PSG8: variants seen among roughly 807,000 people sequenced by gnomAD.
The protein encoded by PSG8 is pregnancy specific beta-1-glycoprotein 8, also known as pregnancy-specific beta-1-glycoprotein 8.
PSG8 carries 57 observed loss-of-function variants against 42.5 expected under a neutral mutation model. The ratio of observed to expected loss-of-function variants is 1.34; its 90% confidence interval spans 1.08 to 1.67. The LOEUF is 1.67. PSG8 is among the 40% of genes most tolerant of loss of function. The pLI is 0.00. For missense variants in PSG8, 783 were observed against 518.6 expected, an observed-to-expected ratio of 1.51 and a Z score of -4.95; for synonymous variants, 280 against 196.8, an observed-to-expected ratio of 1.42 and a Z score of -3.54.
At position 42,754,488 on chromosome 19, in the gene PSG8, T is replaced by C. The variant is rs146672854; in HGVS notation, c.1088A>G (p.Gln363Arg). 56 of 1,613,928 alleles carry C rather than the reference T, an allele frequency of 3.5e-5. No individual in the cohort carries two copies. In the African/African-American group the frequency reaches 6.8e-4, roughly 20 times the overall value. Reference protein sequence around the residue: ...SCSADSNPPAQYSWTINGKFQ... With the variant: ...SCSADSNPPARYSWTINGKFQ... ...CTTCCCATTAATTGTCCAAGAATAC[T>C]GTGCCGGTGGGTTAGAGTCCGCAGA... Residue 363 changes from glutamine (Q) to arginine (R), a missense_variant, in exon 5 of 5, where the codon CAG becomes CGG. By Grantham distance (43) the Gln-to-Arg change is conservative. Coordinates refer to ENST00000306511, the MANE Select transcript of PSG8 (RefSeq NM_182707.3).
Position 42,765,665 on chromosome 19 carries a change from T to C in PSG8, c.-84A>G. On this transcript the variant is annotated 5_prime_UTR_variant, in exon 1 of 5. Coordinates refer to ENST00000306511, the MANE Select transcript of PSG8 (RefSeq NM_182707.3). The stretch of plus-strand genomic sequence containing the variant: ...CTGAGCACAGCTCTCAGCAGTGCTG[T>C]CCTGCCTCCTTCTGCGCTGAGCTTC... 1 of 1,544,872 alleles carries C rather than the reference T, an allele frequency of 6.5e-7. No homozygotes were observed. Among genetic ancestry groups the C allele is most frequent in the South Asian group, 1.1e-5 (1 of 87,104 alleles).
rs1042864066 is a variant in PSG8, at chr19:42,763,790, C to G, written c.430+126G>C. The G allele has an allele frequency of 5.8e-6, 9 of 1,555,796 alleles. No individual in the cohort carries two copies. In the African/African-American group the frequency reaches 1.2e-4, roughly 21 times the overall value. The stretch of plus-strand genomic sequence containing the variant: ...CTGTGTGTGTCCTGCACTAAATGCC[C>G]AAACCCCAGCATGGGACATAATGCA... On this transcript the variant is annotated intron_variant, in intron 2 of 4. Coordinates refer to ENST00000306511, the MANE Select transcript of PSG8 (RefSeq NM_182707.3).
downstream of PSG8, chr19:42,753,846 A>T: frequency 2.2e-6 from 1 of 451,004 alleles, no homozygotes. Context: ...TTGTGCAAAT[A>T]TGTGTATTAC....
chr19:42,757,905 C>G (rs1372488904), intron 3 of PSG8, 97 bp downstream of exon 3: 2 of 1,612,860 alleles, frequency 1.2e-6, no homozygotes, highest in East Asian at 2.2e-5. Context: ...GGGTAAAGGT[C>G]TCTGTACTTG....
chr19:42,763,721 C>T, intron 2 of PSG8, 195 bp downstream of exon 2: 2 of 1,105,006 alleles, frequency 1.8e-6, no homozygotes, highest in South Asian at 1.4e-5. Context: ...TCTGCAGGGT[C>T]TGGATGCGGG....
intron 3 of PSG8, among the ~76,000 whole-genome samples, chr19:42,757,624 C>G (rs368671969): frequency 1.3e-5 from 2 of 152,018 alleles, no homozygotes; most frequent in African/African-American, 2.4e-5. Context: ...ATGTCACAGG[C>G]GATATTTTCA....
intron 2 of PSG8, among the ~76,000 whole-genome samples, chr19:42,763,052 T>A (rs1301181575): frequency 2.0e-5 from 3 of 152,206 alleles, no homozygotes; most frequent in Non-Finnish European, 2.9e-5. Context: ...TGGCTTTTCA[T>A]GCTATCTGTG....
intron 2 of PSG8, among the ~76,000 whole-genome samples, chr19:42,760,178 C>T (rs768477219): frequency 5.9e-5 from 9 of 152,126 alleles, no homozygotes; most frequent in African/African-American, 2.2e-4. Flanking sequence ...TAGGAAGAGT[C>T]TAAGTGAGAT....
chr19:42,755,648 A>G (rs948830547), intron 3 of PSG8: 4 of 319,894 alleles, frequency 1.3e-5, no homozygotes, highest in Non-Finnish European at 2.3e-5. Flanking sequence ...TCCATCCTAC[A>G]TTGTCCCCCT....
At chr19:42,764,728 A>G (rs1970172300) in intron 1 of PSG8, among the ~76,000 whole-genome samples, 1 of 151,922 alleles carries the variant, frequency 6.6e-6, no homozygotes, top group Non-Finnish European at 1.5e-5. Flanking sequence ...CTTACATTCT[A>G]GATCTCTTTG....
chr19:42,761,959 C>T (rs1970087716), intron 2 of PSG8, among the ~76,000 whole-genome samples: 1 of 148,784 alleles, frequency 6.7e-6, no homozygotes, highest in Non-Finnish European at 1.5e-5. Context: ...AGGGAAAGAG[C>T]CCTGGATGGG....
At chr19:42,754,043 A>G (rs552079532), downstream of PSG8, 4 of 1,014,120 alleles carry the variant, frequency 3.9e-6, no homozygotes, top group African/African-American at 1.7e-5. Flanking sequence ...AGAATCAGCA[A>G]ATTTTCAAAT....
chr19:42,758,477 A>G (rs772907147), intron 2 of PSG8, 197 bp from the exon 3 acceptor site: 2 of 1,196,910 alleles, frequency 1.7e-6, no homozygotes, highest in Non-Finnish European at 2.3e-6. Flanking sequence ...CTTCATGTAG[A>G]AACACAGACT....
rs150464724 is a variant in PSG8, at chr19:42,754,551, G to T, written c.1025C>A (p.Thr342Asn). The change falls in exon 5 of 5, where the codon ACC (threonine) becomes AAC (asparagine). Residue 342 changes from threonine (T) to asparagine (N), a missense_variant. Thr to Asn is a moderately conservative substitution (Grantham distance 65, BLOSUM62 0). Transcript: ENST00000306511. ...GAGGACTTCTCCTGAACGGTAATAG[G>T]TGAATGAAGGGTAAATTCTGGGGAG... ...PDLPRIYPSF[T>N]YYRSGEVLYL... is the part of the protein sequence containing the mutation. 2 of 1,613,496 alleles carry T rather than the reference G, an allele frequency of 1.2e-6. No homozygotes were observed. Among genetic ancestry groups the T allele is most frequent in the Non-Finnish European group, 1.7e-6 (2 of 1,179,658 alleles).
In PSG8 at chr19:42,755,113, C is replaced by T. The variant is rs113087470; in HGVS notation, c.863G>A (p.Arg288Gln). ...QSLPVSPRVKRPIENRILILP... is the reference protein window; with the variant it reads ...QSLPVSPRVKQPIENRILILP... Reference sequence around the variant, plus strand: ...AATGAGGATCCTGTTTTCAATGGGTCGCTTTACCCTGGGACTGACCGGGAG... The same window carrying T: ...AATGAGGATCCTGTTTTCAATGGGTTGCTTTACCCTGGGACTGACCGGGAG... The change falls in exon 4 of 5, where the codon CGA becomes CAA. Residue 288 changes from arginine (R) to glutamine (Q), a missense_variant. Coordinates refer to ENST00000306511, the MANE Select transcript of PSG8 (RefSeq NM_182707.3). 3.7e-6 allele frequency: 6 copies of T among 1,611,834 alleles called. No individual in the cohort carries two copies. In the East Asian group the frequency reaches 1.1e-4, roughly 30 times the overall value.
chr19:42,763,868 A>G (rs1199447545), intron 2 of PSG8, 48 bp downstream of exon 2: 1 of 1,613,106 alleles, frequency 6.2e-7, no homozygotes, highest in Non-Finnish European at 8.5e-7. Flanking sequence ...TGTGAAGTAG[A>G]AGTGACCCCT....
chr19:42,761,302 C>T (rs569799983), intron 2 of PSG8, among the ~76,000 whole-genome samples: 5 of 152,256 alleles, frequency 3.3e-5, no homozygotes, highest in East Asian at 1.9e-4. Context: ...CCTTACTTTG[C>T]CCAGGGACTG....
chr19:42,763,567 A>C (rs1382765972), intron 2 of PSG8: 4 of 360,772 alleles, frequency 1.1e-5, no homozygotes, highest in Non-Finnish European at 2.1e-5. Context: ...AGAGTATCTC[A>C]GGGGCTCCTC....
rs58868359 is a variant in PSG8, at chr19:42,761,820, A to ATTTTTTTTTTTTTTTTTTTTTTTTTT, written c.430+2070_430+2095dup. ...TTGACTAGAAACCAACATTTCAATAATTTTTTTTTTTTTTTTTTTTTTTTT... is the reference window on the plus strand; with the variant it reads ...TTGACTAGAAACCAACATTTCAATAATTTTTTTTTTTTTTTTTTTTTTTTTTTTTTTTTTTTTTTTTTTTTTTTTTT... On this transcript the variant is annotated intron_variant, in intron 2 of 4. Transcript: ENST00000306511. Among the ~76,000 whole-genome samples, 8 of 70,394 alleles carry ATTTTTTTTTTTTTTTTTTTTTTTTTT rather than the reference A, an allele frequency of 1.1e-4. 1 individual carries two copies. Among genetic ancestry groups the ATTTTTTTTTTTTTTTTTTTTTTTTTT allele is most frequent in the Non-Finnish European group, 1.0e-4 (4 of 39,040 alleles). The allele number at this position is 70,394 out of a possible 152,430, so 46.2% of individuals were successfully genotyped here.
Sources: allele counts gnomAD v4.1 joint callset (sites outside exome capture counted in the v4.1 genomes callset), GRCh38; gene constraint gnomAD v4.1.1; transcripts MANE v1.5; gene names NCBI Gene and HGNC (gene_info 2026-07-23, HGNC 2026-07-21).